Variants in TRMT9B observed in about 807,000 individuals in gnomAD.
TRMT9B encodes probable tRNA methyltransferase 9B.
In TRMT9B, 16 loss-of-function variants were observed where a neutral mutation model predicts 11.5. That is an observed-to-expected ratio of 1.39 (90% CI 0.94 to 2.11). The LOEUF (loss-of-function observed/expected upper bound fraction) is 2.11, where lower values mean the gene tolerates loss of function less well. Ranked by LOEUF, TRMT9B falls within the 30% of genes most tolerant of loss-of-function variation. The pLI is 0.00. For missense variants in TRMT9B, 941 were observed against 553.8 expected (o/e 1.70, Z -7.02); for synonymous variants, 274 against 192.4 (o/e 1.42, Z -3.51).
intron 1 of TRMT9B, among the ~76,000 whole-genome samples, chr8:12,956,620 G>T (rs1801349820): frequency 6.6e-6 from 1 of 152,178 alleles, no homozygotes. Flanking sequence ...TACAAAGGAA[G>T]AAAGTAATGT....
At chr8:12,980,042 A>C (rs979651187) in intron 1 of TRMT9B, among the ~76,000 whole-genome samples, 1 of 152,164 alleles carries the variant, frequency 6.6e-6, no homozygotes, top group Non-Finnish European at 1.5e-5. Context: ...GGTTGATTGA[A>C]TCTAGGTCAT....
rs1165143735 is a variant in TRMT9B, at chr8:13,024,646, C to A, written c.*2602C>A. 1 of 167,040 alleles carries A rather than the reference C, an allele frequency of 6.0e-6. No homozygotes were observed. The highest frequency in any genetic ancestry group is 2.4e-5 in the African/African-American group (1 of 41,458). The allele number at this position is 167,040 out of a possible 1,614,324, so 10.3% of individuals were successfully genotyped here. A position where few individuals can be genotyped will look rare whatever the true frequency, so the allele number is the denominator to read the frequency against. Reference sequence around the variant, plus strand: ...CCTTTGAGCTAAACTGTCTGAGCAACCTCTTAGATGTGCACACACCACTTT... The same window carrying A: ...CCTTTGAGCTAAACTGTCTGAGCAAACTCTTAGATGTGCACACACCACTTT... On this transcript the variant is annotated 3_prime_UTR_variant, in exon 5 of 5. Transcript: ENST00000524591.
intron 1 of TRMT9B, among the ~76,000 whole-genome samples, chr8:12,988,741 G>A (rs1020988090): frequency 6.6e-6 from 1 of 152,104 alleles, no homozygotes; most frequent in Non-Finnish European, 1.5e-5. Context: ...GGGATGATGG[G>A]AACTACAATT....
intron 1 of TRMT9B, among the ~76,000 whole-genome samples, chr8:12,961,300 C>G (rs1802069986): frequency 6.6e-6 from 1 of 152,148 alleles, no homozygotes; most frequent in Non-Finnish European, 1.5e-5. Context: ...AGTGGTTCAT[C>G]AGTTGTAACC....
chr8:13,015,058 GAAAT>G (rs143449358), intron 4 of TRMT9B, among the ~76,000 whole-genome samples: 4,247 of 145,492 alleles, frequency 0.029, 171 homozygotes, highest in African/African-American at 0.087. Flanking sequence ...GACTCCATCT[GAAAT>G]AAATAAATAA....
intron 1 of TRMT9B, among the ~76,000 whole-genome samples, chr8:12,978,341 C>A (rs1393605454): frequency 1.3e-5 from 2 of 152,198 alleles, no homozygotes; most frequent in Non-Finnish European, 2.9e-5. Flanking sequence ...TCCTGGCAGT[C>A]AGCTCCTCTT....
intron 1 of TRMT9B, among the ~76,000 whole-genome samples, chr8:12,963,043 A>T (rs1802340036): frequency 6.6e-6 from 1 of 152,226 alleles, no homozygotes; most frequent in African/African-American, 2.4e-5. Flanking sequence ...TAAAGCAGGA[A>T]ATTCAAGAAT....
chr8:12,965,750 C>T lies in TRMT9B; in HGVS notation c.-200+19784C>T, dbSNP rs142275415. Among the ~76,000 whole-genome samples the T allele has an allele frequency of 9.2e-4, 140 of 152,148 alleles. 2 individuals carry two copies. The highest frequency in any genetic ancestry group is 2.8e-3 in the African/African-American group (118 of 41,522). ...GGGCAGGCTGGGGCACAGCAACTCA[C>T]GCCTGTAATCCCAGCATGTGGGGAG... On this transcript the variant is annotated intron_variant, in intron 1 of 4. Coordinates refer to ENST00000524591, the MANE Select transcript of TRMT9B (RefSeq NM_020844.3).
At chr8:12,957,998 G>A (rs893661593) in intron 1 of TRMT9B, among the ~76,000 whole-genome samples, 1 of 152,000 alleles carries the variant, frequency 6.6e-6, no homozygotes, top group East Asian at 1.9e-4. Context: ...ATCAATAAGG[G>A]ATTCCACTTA....
chr8:13,015,194 A>G (rs1812404546), intron 4 of TRMT9B, among the ~76,000 whole-genome samples: 1 of 151,720 alleles, frequency 6.6e-6, no homozygotes, highest in Non-Finnish European at 1.5e-5. Flanking sequence ...TCAAATTGTT[A>G]TTGGATTTTT....
At chr8:12,963,540 A>G (rs946561690) in intron 1 of TRMT9B, among the ~76,000 whole-genome samples, 1 of 152,190 alleles carries the variant, frequency 6.6e-6, no homozygotes, top group Non-Finnish European at 1.5e-5. Flanking sequence ...GCTTGAGCCC[A>G]GGAATTCAAG....
intron 2 of TRMT9B, among the ~76,000 whole-genome samples, chr8:12,999,660 G>A (rs1201638706): frequency 6.6e-6 from 1 of 152,172 alleles, no homozygotes; most frequent in Middle Eastern, 3.2e-3. Context: ...AACCAAAGAT[G>A]TGTATGAAAT....
At chr8:13,004,389 C>G (rs942446030) in intron 2 of TRMT9B, among the ~76,000 whole-genome samples, 1 of 151,670 alleles carries the variant, frequency 6.6e-6, no homozygotes, top group Non-Finnish European at 1.5e-5. Context: ...CTGCACAGCT[C>G]CTGGCTCCAA....
intron 2 of TRMT9B, among the ~76,000 whole-genome samples, chr8:12,996,247 G>A (rs1563386639): frequency 6.6e-6 from 1 of 152,146 alleles, no homozygotes; most frequent in Non-Finnish European, 1.5e-5. Context: ...TATTCAATGT[G>A]TAATAAGATC....
chr8:12,983,783 T>C (rs925464664), intron 1 of TRMT9B, among the ~76,000 whole-genome samples: 1 of 152,142 alleles, frequency 6.6e-6, no homozygotes, highest in South Asian at 2.1e-4. Context: ...AAAAATAAAA[T>C]ACAGGGTACA....
At chr8:12,961,375 A>G (rs9644017) in intron 1 of TRMT9B, among the ~76,000 whole-genome samples, 56,033 of 151,900 alleles carry the variant, frequency 0.37, 10,854 homozygotes, top group East Asian at 0.68. Flanking sequence ...GTTAAGAAAT[A>G]CCTCACTTGA....
At chr8:12,973,547 C>T (rs1211559265) in intron 1 of TRMT9B, among the ~76,000 whole-genome samples, 1 of 152,186 alleles carries the variant, frequency 6.6e-6, no homozygotes, top group African/African-American at 2.4e-5. Context: ...AACAAAGGCA[C>T]TTGTTTTCCT....
intron 2 of TRMT9B, among the ~76,000 whole-genome samples, chr8:13,005,096 A>G (rs945268613): frequency 3.3e-5 from 5 of 152,066 alleles, no homozygotes; most frequent in African/African-American, 9.7e-5. Context: ...AAAAAAAAAA[A>G]AAAAGAAAAA....
intron 1 of TRMT9B, among the ~76,000 whole-genome samples, chr8:12,978,957 T>C (rs1804910040): frequency 6.6e-6 from 1 of 152,202 alleles, no homozygotes; most frequent in South Asian, 2.1e-4. Context: ...CTAAATTCAA[T>C]GGGCTGTAAA....
Sources: allele counts gnomAD v4.1 joint callset (sites outside exome capture counted in the v4.1 genomes callset), GRCh38; gene constraint gnomAD v4.1.1; transcripts MANE v1.5; gene names NCBI Gene and HGNC (gene_info 2026-07-23, HGNC 2026-07-21).